The following PPARGC1A variants were observed in gnomAD, a reference collection of about 807,000 sequenced individuals.
PPARGC1A encodes PPARG coactivator 1 alpha.
Under a neutral mutation model 88.7 loss-of-function variants are expected in PPARGC1A, and 25 were observed. The ratio of observed to expected loss-of-function variants is 0.28; its 90% CI spans 0.21 to 0.39. The LOEUF (loss-of-function observed/expected upper bound fraction) is 0.39, where lower values mean the gene tolerates loss of function less well. PPARGC1A is among the 10% of genes least tolerant of loss of function. PPARGC1A has a pLI of 1.00. For synonymous variants in PPARGC1A, 363 were observed against 355.6 expected, an observed-to-expected ratio of 1.02 and a Z score of -0.24; for missense variants, 880 against 968.7, an observed-to-expected ratio of 0.91 and a Z score of 1.22.
At chr4:24,342,988 T>A in the PPARGC1A span, among the ~76,000 whole-genome samples, 1 of 152,246 alleles carries the variant, frequency 6.6e-6, no homozygotes, top group Admixed American at 6.5e-5. Flanking sequence ...GCCATCCTCA[T>A]GTTATGATGT....
At chr4:24,274,711 G>A in the PPARGC1A span, among the ~76,000 whole-genome samples, 1 of 152,106 alleles carries the variant, frequency 6.6e-6, no homozygotes, top group Non-Finnish European at 1.5e-5. Context: ...CCAACCCTTG[G>A]TTTAGGGAGA....
the PPARGC1A span, among the ~76,000 whole-genome samples, chr4:24,447,031 C>T: frequency 7.9e-5 from 12 of 152,202 alleles, no homozygotes; most frequent in Non-Finnish European, 1.2e-4. Flanking sequence ...TATCTGACTG[C>T]TGCTACTCCA....
chr4:24,324,986 C>T, the PPARGC1A span, among the ~76,000 whole-genome samples: 19 of 152,284 alleles, frequency 1.2e-4, no homozygotes, highest in East Asian at 3.9e-4. Context: ...ACACCTGGTC[C>T]GACTTACAGT....
At chr4:23,986,866 A>C in the PPARGC1A span, among the ~76,000 whole-genome samples, 1 of 152,120 alleles carries the variant, frequency 6.6e-6, no homozygotes, top group Non-Finnish European at 1.5e-5. Flanking sequence ...GAGAATTACA[A>C]ACAAATCCAC....
At chr4:23,965,466 C>T in the PPARGC1A span, among the ~76,000 whole-genome samples, 1 of 152,166 alleles carries the variant, frequency 6.6e-6, no homozygotes, top group Non-Finnish European at 1.5e-5. Context: ...TCAGCCTCTA[C>T]AAGTTACTCC....
the PPARGC1A span, among the ~76,000 whole-genome samples, chr4:24,325,290 T>C: frequency 2.0e-5 from 3 of 152,042 alleles, no homozygotes; most frequent in Non-Finnish European, 4.4e-5. Flanking sequence ...AAAAATTAAA[T>C]TCCGGCCCTC....
At chr4:24,327,711 C>A in the PPARGC1A span, among the ~76,000 whole-genome samples, 4 of 151,958 alleles carry the variant, frequency 2.6e-5, no homozygotes, top group African/African-American at 9.7e-5. Flanking sequence ...CTTGAAGCAG[C>A]CCTGAGAAAC....
At chr4:24,366,282 C>T in the PPARGC1A span, among the ~76,000 whole-genome samples, 2 of 152,098 alleles carry the variant, frequency 1.3e-5, no homozygotes, top group Non-Finnish European at 2.9e-5. Context: ...TAGCTTGCTC[C>T]TTAAATCTTT....
the PPARGC1A span, among the ~76,000 whole-genome samples, chr4:24,184,269 T>C: frequency 6.6e-5 from 10 of 152,220 alleles, no homozygotes; most frequent in Non-Finnish European, 1.2e-4. Flanking sequence ...ACTGACTTCT[T>C]AAGGAAAATA....
chr4:24,344,401 G>A, the PPARGC1A span, among the ~76,000 whole-genome samples: 1 of 149,394 alleles, frequency 6.7e-6, no homozygotes, highest in Non-Finnish European at 1.5e-5. Context: ...CTACATCCAT[G>A]CCAACATCTA....
At chr4:23,997,730 A>G in the PPARGC1A span, among the ~76,000 whole-genome samples, 1 of 151,838 alleles carries the variant, frequency 6.6e-6, no homozygotes, top group Non-Finnish European at 1.5e-5. Context: ...AAGCTCAGGC[A>G]ATCCACCTGC....
chr4:24,179,069 T>A, the PPARGC1A span, among the ~76,000 whole-genome samples: 1 of 152,186 alleles, frequency 6.6e-6, no homozygotes, highest in African/African-American at 2.4e-5. Context: ...CGTTGTCTTA[T>A]TGACTCTTCA....
chr4:24,446,737 C>T, the PPARGC1A span, among the ~76,000 whole-genome samples: 1 of 151,906 alleles, frequency 6.6e-6, no homozygotes, highest in Admixed American at 6.6e-5. Flanking sequence ...GCTGGGATTA[C>T]AGGTGCCTGC....
the PPARGC1A span, among the ~76,000 whole-genome samples, chr4:24,420,884 C>T: frequency 5.9e-5 from 9 of 152,272 alleles, no homozygotes; most frequent in Admixed American, 4.6e-4. Context: ...ATGATCAAAG[C>T]ACCAGCAGAT....
the PPARGC1A span, among the ~76,000 whole-genome samples, chr4:24,271,192 G>A: frequency 6.6e-6 from 1 of 152,052 alleles, no homozygotes; most frequent in South Asian, 2.1e-4. Context: ...GAGCATGCAG[G>A]GGTCTACTGC....
At chr4:24,312,502 A>C in the PPARGC1A span, among the ~76,000 whole-genome samples, 1 of 152,108 alleles carries the variant, frequency 6.6e-6, no homozygotes, top group Non-Finnish European at 1.5e-5. Context: ...AACAAAGAAG[A>C]CAGAGAAACT....
chr4:24,071,287 C>T, the PPARGC1A span, among the ~76,000 whole-genome samples: 1 of 152,136 alleles, frequency 6.6e-6, no homozygotes, highest in Non-Finnish European at 1.5e-5. Flanking sequence ...CTCTGTATCA[C>T]TATTATATGG....
the PPARGC1A span, among the ~76,000 whole-genome samples, chr4:24,405,283 G>A: frequency 0.011 from 1,711 of 150,016 alleles, 14 homozygotes; most frequent in South Asian, 0.036. Flanking sequence ...TGAAAAGGTG[G>A]TTTTTTTTTT....
the PPARGC1A span, among the ~76,000 whole-genome samples, chr4:24,368,788 T>G: frequency 1.3e-5 from 2 of 152,158 alleles, no homozygotes; most frequent in Non-Finnish European, 2.9e-5. Flanking sequence ...GACAGGACTT[T>G]CCTCGGAACA....
Sources: gnomAD v4.1 joint callset for allele counts (sites outside exome capture counted in the v4.1 genomes callset) on GRCh38, gnomAD v4.1.1 for gene constraint, MANE v1.5 for transcripts, NCBI Gene and HGNC (gene_info 2026-07-23, HGNC 2026-07-21) for gene names.